The following GLB1 variants were observed in gnomAD, a reference collection of about 807,000 sequenced individuals.
GLB1 encodes galactosidase beta 1.
Under a neutral mutation model 74.0 loss-of-function variants are expected in GLB1, and 56 were observed. That is an observed-to-expected ratio of 0.76 (90% CI 0.61 to 0.94). The LOEUF (loss-of-function observed/expected upper bound fraction) is 0.94. Among genes scored for constraint, GLB1 ranks in the 40% least tolerant of loss-of-function variants. The pLI is 0.00. For synonymous variants in GLB1, 323 were observed against 323.6 expected, an observed-to-expected ratio of 1.00 and a Z score of 0.02; for missense variants, 787 against 845.5, an observed-to-expected ratio of 0.93 and a Z score of 0.86.
intron 15 of GLB1, 81 bp downstream of exon 15, chr3:33,013,975 C>T (rs1281887047): frequency 1.8e-5 from 29 of 1,608,840 alleles, no homozygotes; most frequent in Non-Finnish European, 2.4e-5. Flanking sequence ...ATCTCACTAA[C>T]AGCTCTTTGT....
chr3:32,999,312 T>G (rs1416564608), intron 15 of GLB1, among the ~76,000 whole-genome samples: 2 of 152,162 alleles, frequency 1.3e-5, no homozygotes, highest in Non-Finnish European at 2.9e-5. Flanking sequence ...TTTGCAGTAT[T>G]AGAGAACAGT....
In GLB1 at chr3:33,074,369, G is replaced by GAAAGAAAGAAAGAAAGAAAGAAAGAAAGA. The variant is rs1559412870; in HGVS notation, c.76-1657_76-1656insTCTTTCTTTCTTTCTTTCTTTCTTTCTTT. On this transcript the variant is annotated intron_variant, in intron 1 of 15. Transcript: ENST00000307363. ...GGAAGGAAGGAAGGAAGGAAGGAAG[G>GAAAGAAAGAAAGAAAGAAAGAAAGAAAGA]AAGGAAGGAAGGAAGGAAGGAAGAA... Among the ~76,000 whole-genome samples the GAAAGAAAGAAAGAAAGAAAGAAAGAAAGA allele has an allele frequency of 6.1e-4, 4 of 6,544 alleles. 1 individual carries two copies. Among genetic ancestry groups the GAAAGAAAGAAAGAAAGAAAGAAAGAAAGA allele is most frequent in the African/African-American group, 9.5e-4 (4 of 4,210 alleles). The allele number at this position is 6,544 out of a possible 152,430, so 4.3% of individuals were successfully genotyped here.
At chr3:33,032,168 G>C (rs986294546) in intron 10 of GLB1, among the ~76,000 whole-genome samples, 8 of 152,028 alleles carry the variant, frequency 5.3e-5, no homozygotes, top group African/African-American at 1.9e-4. Context: ...GGATCCCCTG[G>C]GTTTGTCTTT....
chr3:33,042,599 C>A (rs1220379559), intron 10 of GLB1, among the ~76,000 whole-genome samples: 3 of 152,036 alleles, frequency 2.0e-5, no homozygotes. Context: ...GATCTCCTGA[C>A]CTCGTGATCC....
At chr3:33,070,422 C>T (rs1034386742) in intron 2 of GLB1, among the ~76,000 whole-genome samples, 2 of 152,158 alleles carry the variant, frequency 1.3e-5, no homozygotes, top group Non-Finnish European at 2.9e-5. Flanking sequence ...TTGGCAGCCT[C>T]TTGGGAGGGG....
intron 10 of GLB1, among the ~76,000 whole-genome samples, chr3:33,041,420 G>A (rs4679077): frequency 0.69 from 104,526 of 151,966 alleles, 36,765 homozygotes; most frequent in Middle Eastern, 0.83. Flanking sequence ...CCAGCACTTC[G>A]GGAGGCTGAG....
At chr3:33,048,730 G>A (rs1181156161) in intron 9 of GLB1, among the ~76,000 whole-genome samples, 1 of 152,152 alleles carries the variant, frequency 6.6e-6, no homozygotes, top group East Asian at 1.9e-4. Context: ...TGGGTGTGGG[G>A]GCTGGCTCAG....
chr3:33,080,369 G>A (rs770515319), intron 1 of GLB1, among the ~76,000 whole-genome samples: 3 of 151,570 alleles, frequency 2.0e-5, no homozygotes, highest in Non-Finnish European at 4.4e-5. Flanking sequence ...GTGAGCCACC[G>A]CGCCTGGTCT....
rs1292669471 is a variant in GLB1, at chr3:33,091,115, G to A, written c.75+5896C>T. ...GTGAAATCCAAAGCGAGAACTTAAAGGGAGTAAGGATGATTCACAAAATGC... is the reference window on the plus strand; with the variant it reads ...GTGAAATCCAAAGCGAGAACTTAAAAGGAGTAAGGATGATTCACAAAATGC... On this transcript the variant is annotated intron_variant, in intron 1 of 15. Transcript: ENST00000307363. The A allele has an allele frequency of 3.0e-6, 3 of 985,424 alleles. No homozygotes were observed. In the East Asian group the frequency reaches 3.4e-4, roughly 112 times the overall value. 61.0% of individuals were successfully genotyped at this position (985,424 alleles called of 1,614,324 possible).
chr3:33,076,238 T>C (rs574783519), intron 1 of GLB1, among the ~76,000 whole-genome samples: 2 of 152,034 alleles, frequency 1.3e-5, no homozygotes, highest in East Asian at 1.9e-4. Flanking sequence ...GTGACACAGA[T>C]GGAGAAAACT....
At chr3:32,984,536 G>T in the GLB1 span, among the ~76,000 whole-genome samples, 1 of 152,226 alleles carries the variant, frequency 6.6e-6, no homozygotes, top group Middle Eastern at 3.2e-3. Context: ...CCAGCACGTT[G>T]TGGGGCTGAG....
intron 9 of GLB1, among the ~76,000 whole-genome samples, chr3:33,050,494 G>A (rs1698929919): frequency 6.6e-6 from 1 of 152,220 alleles, no homozygotes; most frequent in Non-Finnish European, 1.5e-5. Flanking sequence ...GCAACAACGT[G>A]GATGAGCGTT....
intron 1 of GLB1, among the ~76,000 whole-genome samples, chr3:33,072,953 G>C (rs1212744853): frequency 6.6e-6 from 1 of 152,086 alleles, no homozygotes; most frequent in Non-Finnish European, 1.5e-5. Flanking sequence ...TTAGCTTCTA[G>C]AGGCCAGCAC....
At chr3:32,963,734 C>A in the GLB1 span, among the ~76,000 whole-genome samples, 6 of 152,130 alleles carry the variant, frequency 3.9e-5, no homozygotes, top group Non-Finnish European at 7.4e-5. Flanking sequence ...ATTTTGAAAA[C>A]CTGTAAGTAT....
chr3:33,024,139 G>A, intron 11 of GLB1, 112 bp downstream of exon 11: 1 of 1,276,890 alleles, frequency 7.8e-7, no homozygotes, highest in Non-Finnish European at 1.1e-6. Flanking sequence ...CAAATTCGCA[G>A]AAAAATAACG....
intron 1 of GLB1, chr3:33,096,687 G>A (rs951256456): frequency 2.6e-6 from 3 of 1,161,752 alleles, no homozygotes; most frequent in Admixed American, 1.0e-4. Context: ...ATCCCCTCCC[G>A]GAAAGCCAAC....
the GLB1 span, among the ~76,000 whole-genome samples, chr3:32,963,366 T>A: frequency 2.0e-5 from 3 of 152,202 alleles, no homozygotes; most frequent in Non-Finnish European, 4.4e-5. Flanking sequence ...CTTCACAATT[T>A]GTGCAGCAGG....
the GLB1 span, among the ~76,000 whole-genome samples, chr3:32,969,339 G>A: frequency 1.3e-5 from 2 of 152,082 alleles, no homozygotes; most frequent in African/African-American, 2.4e-5. Context: ...ATGTTCATGA[G>A]GCTATTTATA....
chr3:33,072,364 G>A (rs1336159064), intron 2 of GLB1, among the ~76,000 whole-genome samples, 180 bp downstream of exon 2: 1 of 152,210 alleles, frequency 6.6e-6, no homozygotes, highest in East Asian at 1.9e-4. Flanking sequence ...AAGATTGGAA[G>A]AAGTAGTTAA....
Sources: allele counts gnomAD v4.1 joint callset (sites outside exome capture counted in the v4.1 genomes callset), GRCh38; gene constraint gnomAD v4.1.1; transcripts MANE v1.5; gene names NCBI Gene and HGNC (gene_info 2026-07-23, HGNC 2026-07-21).